Variants in APBB2 observed in about 807,000 individuals in gnomAD.
APBB2 encodes Fe65-like 1.
Under a neutral mutation model 82.5 loss-of-function variants are expected in APBB2, and 38 were observed. The ratio of observed to expected loss-of-function variants is 0.46; its 90% CI spans 0.36 to 0.60. The LOEUF (loss-of-function observed/expected upper bound fraction) is 0.60, where lower values mean the gene tolerates loss of function less well. Among genes scored for constraint, APBB2 ranks in the 20% least tolerant of loss-of-function variants. APBB2 has a pLI of 0.00. For missense variants in APBB2, 772 were observed against 972.3 expected (o/e 0.79, Z 2.74); for synonymous variants, 341 against 368.2 (o/e 0.93, Z 0.85).
chr4:41,071,033 C>T (rs1733691961), intron 3 of APBB2, among the ~76,000 whole-genome samples: 1 of 152,192 alleles, frequency 6.6e-6, no homozygotes. Context: ...ATTAATGCTT[C>T]CCTCCTCTCC....
intron 3 of APBB2, among the ~76,000 whole-genome samples, chr4:41,097,316 T>G (rs10031772): frequency 0.2 from 30,793 of 152,180 alleles, 3,261 homozygotes; most frequent in African/African-American, 0.26. Flanking sequence ...ATGAGCCTCC[T>G]ATTCAGAATA....
intron 4 of APBB2, among the ~76,000 whole-genome samples, chr4:41,036,431 C>T (rs1241857877): frequency 6.6e-6 from 1 of 152,110 alleles, no homozygotes; most frequent in African/African-American, 2.4e-5. Flanking sequence ...TTATAAATAG[C>T]CCTGAGTTAT....
intron 12 of APBB2, among the ~76,000 whole-genome samples, chr4:40,837,028 G>GT (rs1330107797): frequency 6.6e-6 from 1 of 152,186 alleles, no homozygotes; most frequent in East Asian, 1.9e-4. Flanking sequence ...GTGGTCATAC[G>GT]TAAGAGCAAC....
chr4:40,886,259 A>C (rs933126197), intron 12 of APBB2, among the ~76,000 whole-genome samples: 1 of 152,186 alleles, frequency 6.6e-6, no homozygotes, highest in Non-Finnish European at 1.5e-5. Context: ...CATGTAGAGC[A>C]CCTGAGGTCA....
intron 12 of APBB2, among the ~76,000 whole-genome samples, chr4:40,861,165 A>G (rs1407630036): frequency 6.6e-6 from 1 of 152,080 alleles, no homozygotes; most frequent in East Asian, 1.9e-4. Flanking sequence ...AGCCTGGCAA[A>G]CATGGTGGAA....
chr4:41,103,443 A>C (rs1034252889), intron 2 of APBB2, among the ~76,000 whole-genome samples: 1 of 152,194 alleles, frequency 6.6e-6, no homozygotes, highest in Non-Finnish European at 1.5e-5. Flanking sequence ...AGATATATAC[A>C]AGGAATTTTT....
At chr4:40,954,798 G>C (rs985360765) in intron 6 of APBB2, among the ~76,000 whole-genome samples, 2 of 152,086 alleles carry the variant, frequency 1.3e-5, no homozygotes, top group Non-Finnish European at 2.9e-5. Flanking sequence ...CAAGTAGCTG[G>C]GATTATAGGC....
intron 3 of APBB2, among the ~76,000 whole-genome samples, chr4:41,075,276 A>T (rs939432449): frequency 7.9e-5 from 12 of 152,240 alleles, no homozygotes; most frequent in African/African-American, 2.7e-4. Flanking sequence ...GTAATCTTTG[A>T]TACACATTAA....
intron 4 of APBB2, among the ~76,000 whole-genome samples, chr4:41,056,324 C>T (rs534033167): frequency 7.9e-5 from 12 of 152,310 alleles, no homozygotes; most frequent in African/African-American, 2.4e-4. Context: ...CAGATCCCTC[C>T]GTAATGTACC....
At chr4:41,031,769 A>C (rs1379415710) in intron 5 of APBB2, among the ~76,000 whole-genome samples, 1 of 152,222 alleles carries the variant, frequency 6.6e-6, no homozygotes, top group Non-Finnish European at 1.5e-5. Flanking sequence ...TATCTCATAA[A>C]AATATGATTT....
chr4:41,125,944 G>A (rs1470077164), intron 2 of APBB2, among the ~76,000 whole-genome samples: 1 of 152,154 alleles, frequency 6.6e-6, no homozygotes, highest in Admixed American at 6.5e-5. Context: ...AGTCAGCTGA[G>A]CTTGGGACTA....
At chr4:41,000,778 C>T (rs75438223) in intron 6 of APBB2, among the ~76,000 whole-genome samples, 1,739 of 152,142 alleles carry the variant, frequency 0.011, 57 homozygotes, top group Admixed American at 0.054. Context: ...TATAATGAGC[C>T]TGAGATGAAA....
chr4:40,878,026 C>A (rs1198582600), intron 12 of APBB2, among the ~76,000 whole-genome samples: 2 of 151,426 alleles, frequency 1.3e-5, no homozygotes, highest in Non-Finnish European at 3.0e-5. Flanking sequence ...GCAGACTTGG[C>A]AAGACAGGGT....
intron 6 of APBB2, among the ~76,000 whole-genome samples, chr4:40,962,957 G>A (rs564448688): frequency 1.9e-4 from 29 of 152,332 alleles, no homozygotes; most frequent in South Asian, 8.3e-4. Flanking sequence ...CTCTTGAAGC[G>A]TTAGAGGTTT....
At chr4:40,828,013 G>T (rs1750540932) in intron 13 of APBB2, among the ~76,000 whole-genome samples, 1 of 152,048 alleles carries the variant, frequency 6.6e-6, no homozygotes, top group Non-Finnish European at 1.5e-5. Context: ...CTTTTGCTTG[G>T]CTCTGATTCT....
chr4:40,926,128 G>A (rs907495888), intron 10 of APBB2, among the ~76,000 whole-genome samples: 1 of 152,206 alleles, frequency 6.6e-6, no homozygotes, highest in Non-Finnish European at 1.5e-5. Context: ...TGTCTACTTC[G>A]CTGCAGAAGC....
chr4:41,006,043 C>T (rs1806616901), intron 6 of APBB2, among the ~76,000 whole-genome samples: 1 of 152,214 alleles, frequency 6.6e-6, no homozygotes, highest in Non-Finnish European at 1.5e-5. Flanking sequence ...ATTGTAATCA[C>T]CTTTCCGTCC....
intron 12 of APBB2, among the ~76,000 whole-genome samples, chr4:40,867,345 G>A (rs1241243380): frequency 1.3e-5 from 2 of 152,148 alleles, no homozygotes; most frequent in South Asian, 4.1e-4. Context: ...CATCTGTGCA[G>A]CATTTTCTAT....
intron 3 of APBB2, among the ~76,000 whole-genome samples, chr4:41,090,080 A>G (rs969599646): frequency 6.6e-6 from 1 of 152,182 alleles, no homozygotes; most frequent in African/African-American, 2.4e-5. Flanking sequence ...CCCTATATGA[A>G]TATCTCCTTT....
Sources: allele counts gnomAD v4.1 joint callset (sites outside exome capture counted in the v4.1 genomes callset), GRCh38; gene constraint gnomAD v4.1.1; transcripts MANE v1.5; gene names NCBI Gene and HGNC (gene_info 2026-07-23, HGNC 2026-07-21).